Variants in STAU2 observed in about 807,000 individuals in gnomAD.
STAU2 encodes the protein double-stranded RNA-binding protein Staufen homolog 2.
In STAU2, 20 loss-of-function variants were observed where a neutral mutation model predicts 65.9. That is an observed-to-expected ratio of 0.30 (90% CI 0.21 to 0.44). The LOEUF is 0.44. STAU2 is among the 20% of genes least tolerant of loss of function. STAU2 has a pLI of 1.00. For synonymous variants in STAU2, 232 were observed against 233.9 expected, an observed-to-expected ratio of 0.99 and a Z score of 0.07; for missense variants, 558 against 683.9, an observed-to-expected ratio of 0.82 and a Z score of 2.05.
At chr8:73,620,801 T>C (rs1258607552) in intron 6 of STAU2, among the ~76,000 whole-genome samples, 1 of 152,222 alleles carries the variant, frequency 6.6e-6, no homozygotes, top group Non-Finnish European at 1.5e-5. Context: ...ATCCTCTTAC[T>C]TAACAATGAT....
chr8:73,631,391 AGAG>A lies in STAU2; in HGVS notation c.411-13943_411-13941del, dbSNP rs1320668425. 2.6e-5 allele frequency among the ~76,000 whole-genome samples: 4 copies of A among 151,916 alleles called. No homozygotes were observed. The East Asian group carries it at 7.7e-4, about 29-fold the overall frequency. ...ACCTCATCTCTTAAAAAAAAAAAAA[AGAG>A]GAATAAAAAATGAACACCAATGCAG... On this transcript the variant is annotated intron_variant, in intron 6 of 14. Transcript: ENST00000524300.
chr8:73,622,304 T>C (rs1285192002), intron 6 of STAU2, among the ~76,000 whole-genome samples: 3 of 151,176 alleles, frequency 2.0e-5, no homozygotes, highest in Non-Finnish European at 4.4e-5. Context: ...TTTTTTGTAT[T>C]TTTAGTAGAG....
At chr8:73,521,368 T>C (rs538059397) in intron 13 of STAU2, among the ~76,000 whole-genome samples, 1 of 152,316 alleles carries the variant, frequency 6.6e-6, no homozygotes, top group South Asian at 2.1e-4. Flanking sequence ...TTAAAGGTGA[T>C]TTAGCAAATA....
intron 5 of STAU2, among the ~76,000 whole-genome samples, chr8:73,679,043 A>G (rs1818209398): frequency 6.6e-6 from 1 of 152,204 alleles, no homozygotes; most frequent in South Asian, 2.1e-4. Flanking sequence ...CTTAACCTCC[A>G]TAACAAAAAT....
intron 13 of STAU2, among the ~76,000 whole-genome samples, chr8:73,435,476 C>T (rs1817618977): frequency 1.3e-5 from 2 of 151,920 alleles, no homozygotes; most frequent in African/African-American, 4.9e-5. Flanking sequence ...TCAGAGCCAG[C>T]ATCTTGCCCT....
chr8:73,502,631 T>C (rs1372074651), intron 13 of STAU2, among the ~76,000 whole-genome samples: 1 of 152,034 alleles, frequency 6.6e-6, no homozygotes, highest in Non-Finnish European at 1.5e-5. Context: ...TAGAGGGAGC[T>C]CTGGTTCATC....
rs115378183 is a variant in STAU2 at position 73,434,268 on chromosome 8, C to T, written c.1531-11566G>A. Among the ~76,000 whole-genome samples, 391 of 150,700 alleles carry T rather than the reference C, an allele frequency of 2.6e-3. 3 individuals carry two copies. The highest frequency in any genetic ancestry group is 7.3e-3 in the African/African-American group (299 of 40,720). ...GGAATGTGAGTGGCCGGCCTCTAGA[C>T]GCTGAAAAAGGAAAGGAGGTGGATT... On this transcript the variant is annotated intron_variant, in intron 13 of 14. Transcript: ENST00000524300.
intron 6 of STAU2, among the ~76,000 whole-genome samples, chr8:73,643,598 G>A (rs1473477534): frequency 2.0e-5 from 3 of 152,108 alleles, no homozygotes; most frequent in African/African-American, 7.2e-5. Context: ...TTAAAAACAG[G>A]AGGTCCAGTG....
At chr8:73,479,985 G>C (rs1434427317) in intron 13 of STAU2, among the ~76,000 whole-genome samples, 5 of 151,830 alleles carry the variant, frequency 3.3e-5, no homozygotes. Context: ...TCATCTAGAT[G>C]ACACCATCTA....
chr8:73,613,855 G>T lies in STAU2; in HGVS notation c.780C>A (p.Ser260=). ...AGACGGTGGTCGCAGCGCGCTTCTT[G>T]GAGAGTTTTTTGCTATTTCCTTCTC... ...AEGEGNSKKL[S]KKRAATTVLQ... The change falls in exon 9 of 15, where the codon TCC becomes TCA. Residue 260 remains serine (S), a synonymous_variant. Transcript: ENST00000524300. 6.2e-7 allele frequency: 1 copy of T among 1,613,646 alleles called. No homozygotes were observed. Among genetic ancestry groups the T allele is most frequent in the Non-Finnish European group, 8.5e-7 (1 of 1,179,862 alleles).
intron 11 of STAU2, among the ~76,000 whole-genome samples, chr8:73,585,014 G>GT (rs1324708521): frequency 6.6e-6 from 1 of 152,176 alleles, no homozygotes; most frequent in Non-Finnish European, 1.5e-5. Flanking sequence ...GCTGACAACT[G>GT]TTTAGGTTCT....
At chr8:73,583,873 T>C (rs1438645837) in intron 11 of STAU2, among the ~76,000 whole-genome samples, 3 of 152,184 alleles carry the variant, frequency 2.0e-5, no homozygotes, top group African/African-American at 7.2e-5. Flanking sequence ...TAAGTGACTT[T>C]AGTTATATTA....
chr8:73,691,025 T>C (rs967786406), intron 4 of STAU2, among the ~76,000 whole-genome samples: 2 of 152,190 alleles, frequency 1.3e-5, no homozygotes, highest in African/African-American at 4.8e-5. Flanking sequence ...ATCTTGCATA[T>C]AGCTCATATG....
At chr8:73,544,616 A>G (rs1420105367) in intron 13 of STAU2, among the ~76,000 whole-genome samples, 1 of 152,214 alleles carries the variant, frequency 6.6e-6, no homozygotes, top group Non-Finnish European at 1.5e-5. Context: ...TCTTTAAAAC[A>G]TATTTCAAAT....
Position 73,634,288 on chromosome 8 carries a change from C to T in STAU2, c.411-16837G>A, listed in dbSNP as rs922101808. On this transcript the variant is annotated intron_variant, in intron 6 of 14. Coordinates refer to ENST00000524300, the MANE Select transcript of STAU2 (RefSeq NM_001164380.2). ...TTATTTATTTTTTGCTCAAAACCTG[C>T]GTTGGCCGGGGTGGGCGGATCACGA... 2.6e-5 allele frequency among the ~76,000 whole-genome samples: 4 copies of T among 151,976 alleles called. No individual in the cohort carries two copies. In the East Asian group the frequency reaches 7.8e-4, roughly 30 times the overall value.
chr8:73,564,845 C>T (rs536097222), intron 12 of STAU2, among the ~76,000 whole-genome samples: 14 of 152,126 alleles, frequency 9.2e-5, no homozygotes, highest in Non-Finnish European at 1.6e-4. Context: ...CCAGTTTCAT[C>T]CCACATTTAA....
intron 9 of STAU2, among the ~76,000 whole-genome samples, chr8:73,604,785 G>A (rs796706478): frequency 2.0e-5 from 3 of 152,226 alleles, no homozygotes; most frequent in African/African-American, 7.2e-5. Flanking sequence ...AGCCCCAAGT[G>A]GTGAGAATGG....
chr8:73,593,573 T>C (rs1393516986), intron 11 of STAU2, among the ~76,000 whole-genome samples: 3 of 152,212 alleles, frequency 2.0e-5, no homozygotes, highest in South Asian at 2.1e-4. Context: ...TCAAACATTA[T>C]TCTGAGTGTT....
chr8:73,687,306 AT>A (rs1326411572), intron 5 of STAU2, among the ~76,000 whole-genome samples: 2 of 68,222 alleles, frequency 2.9e-5, no homozygotes, highest in Admixed American at 2.9e-4. Context: ...ATATTTATAA[AT>A]ATAATTTATA....
Sources: gnomAD v4.1 joint callset for allele counts (sites outside exome capture counted in the v4.1 genomes callset) on GRCh38, gnomAD v4.1.1 for gene constraint, MANE v1.5 for transcripts, NCBI Gene and HGNC (gene_info 2026-07-23, HGNC 2026-07-21) for gene names.